ADAMTS3: variants seen among roughly 807,000 people sequenced by gnomAD.
ADAMTS3 encodes the protein A disintegrin and metalloproteinase with thrombospondin motifs 3.
A neutral mutation model predicts 129.0 loss-of-function variants in ADAMTS3; 73 were observed. The observed-to-expected ratio is 0.57, with a 90% CI of 0.47 to 0.69. The LOEUF is 0.69. Ranked by LOEUF, ADAMTS3 falls within the 30% of genes least tolerant of loss-of-function variation. The pLI, the probability that ADAMTS3 is intolerant of heterozygous loss-of-function variation, is 0.00. For missense variants in ADAMTS3, 1,457 were observed against 1,514.5 expected, an observed-to-expected ratio of 0.96 and a Z score of 0.63; for synonymous variants, 477 against 510.8, an observed-to-expected ratio of 0.93 and a Z score of 0.89.
intron 4 of ADAMTS3, among the ~76,000 whole-genome samples, chr4:72,392,678 C>G (rs559269610): frequency 8.4e-4 from 128 of 151,988 alleles, no homozygotes; most frequent in African/African-American, 2.9e-3. Flanking sequence ...TTTTCACTGA[C>G]TTCTTTGCCT....
chr4:72,317,339 C>T lies in ADAMTS3; in HGVS notation c.1485+1233G>A, dbSNP rs547968555. 4.6e-4 allele frequency among the ~76,000 whole-genome samples: 70 copies of T among 152,220 alleles called. 3 individuals carry two copies. In the South Asian group the frequency reaches 9.1e-3, roughly 20 times the overall value. ...AGTAATTAGGAGCTCACAGTGTATA[C>T]CTTATAGACAGACCAAATGGTTGTA... On this transcript the variant is annotated intron_variant, in intron 10 of 21. Transcript: ENST00000286657.
intron 3 of ADAMTS3, among the ~76,000 whole-genome samples, chr4:72,457,122 T>C: frequency 6.6e-6 from 1 of 151,728 alleles, no homozygotes; most frequent in Non-Finnish European, 1.5e-5. Context: ...ACATTTATAA[T>C]AGAAATTAAA....
At chr4:72,423,515 T>C (rs572087359) in intron 3 of ADAMTS3, among the ~76,000 whole-genome samples, 18 of 152,280 alleles carry the variant, frequency 1.2e-4, no homozygotes, top group African/African-American at 4.1e-4. Context: ...CATTGTCTAA[T>C]TCCATTTACA....
intron 4 of ADAMTS3, among the ~76,000 whole-genome samples, chr4:72,363,048 G>A (rs1209889601): frequency 6.6e-6 from 1 of 152,038 alleles, no homozygotes; most frequent in African/African-American, 2.4e-5. Flanking sequence ...GCAGCATGCT[G>A]GTGTATATAA....
chr4:72,347,493 C>G (rs1454434323), intron 4 of ADAMTS3, among the ~76,000 whole-genome samples: 12 of 151,422 alleles, frequency 7.9e-5, no homozygotes, highest in Admixed American at 7.9e-4. Context: ...GTTTTATTTC[C>G]CAATTTGTTT....
At chr4:72,563,315 T>C (rs1721948824) in intron 2 of ADAMTS3, among the ~76,000 whole-genome samples, 1 of 152,182 alleles carries the variant, frequency 6.6e-6, no homozygotes, top group Admixed American at 6.5e-5. Context: ...CCATTACCTT[T>C]AGTTACAAGA....
At chr4:72,511,385 A>C (rs2110034199) in intron 3 of ADAMTS3, among the ~76,000 whole-genome samples, 1 of 152,302 alleles carries the variant, frequency 6.6e-6, no homozygotes, top group Non-Finnish European at 1.5e-5. Flanking sequence ...TAATAACTAG[A>C]ATATATGAGG....
intron 3 of ADAMTS3, among the ~76,000 whole-genome samples, chr4:72,470,376 T>TATATATATATATAC (rs557625827): frequency 1.0e-4 from 14 of 137,964 alleles, no homozygotes; most frequent in African/African-American, 2.4e-4. Flanking sequence ...TATATATATA[T>TATATATATATATAC]ACACACACAC....
chr4:72,283,020 A>G lies in ADAMTS3; in HGVS notation c.*116T>C. ...CAGCACTTTCTGTTCTTCCAATTACAGATAAAATGAGCTGACGATCTATAG... is the reference window on the plus strand; with the variant it reads ...CAGCACTTTCTGTTCTTCCAATTACGGATAAAATGAGCTGACGATCTATAG... On this transcript the variant is annotated 3_prime_UTR_variant, in exon 22 of 22. Transcript: ENST00000286657. 1 of 875,720 alleles carries G rather than the reference A, an allele frequency of 1.1e-6. No homozygotes were observed. Among genetic ancestry groups the G allele is most frequent in the Non-Finnish European group, 1.7e-6 (1 of 572,168 alleles). 54.2% of individuals were successfully genotyped at this position (875,720 alleles called of 1,614,324 possible). A position where few individuals can be genotyped will look rare whatever the true frequency, so the allele number is the denominator to read the frequency against.
intron 6 of ADAMTS3, 56 bp downstream of exon 6, chr4:72,322,955 GTCT>G (rs1719596539): frequency 7.7e-7 from 1 of 1,306,634 alleles, no homozygotes; most frequent in Admixed American, 1.7e-5. Context: ...GAACAATTTA[GTCT>G]TCTATTTGCT....
intron 17 of ADAMTS3, among the ~76,000 whole-genome samples, chr4:72,302,032 T>C (rs192300453): frequency 0.013 from 2,024 of 151,960 alleles, 45 homozygotes; most frequent in African/African-American, 0.046. Context: ...GGCCACACCA[T>C]GGGAAGAAGG....
At chr4:72,518,295 G>T (rs571782479) in intron 3 of ADAMTS3, among the ~76,000 whole-genome samples, 1 of 152,100 alleles carries the variant, frequency 6.6e-6, no homozygotes, top group Non-Finnish European at 1.5e-5. Flanking sequence ...GTATGGTGCT[G>T]AAAAAAATGT....
At position 72,339,493 on chromosome 4, in the gene ADAMTS3, C is replaced by G. The variant is rs1720075999; in HGVS notation, c.861+1G>C. 1 of 1,613,602 alleles carries G rather than the reference C, an allele frequency of 6.2e-7. No homozygotes were observed. Among genetic ancestry groups the G allele is most frequent in the Non-Finnish European group, 8.5e-7 (1 of 1,179,724 alleles). On this transcript the variant is annotated splice_donor_variant, in intron 5 of 21. Transcript: ENST00000286657. LOFTEE classifies it high-confidence loss of function. ...AGCTTTAAAAAGGAGTCACTACTCA[C>G]AATGTTCATTAGGGTCAGGAGGTAG...
At chr4:72,401,459 T>C (rs1460623118) in intron 4 of ADAMTS3, among the ~76,000 whole-genome samples, 2 of 145,968 alleles carry the variant, frequency 1.4e-5, no homozygotes, top group African/African-American at 2.5e-5. Flanking sequence ...CCCAGCTACT[T>C]GGTAGGCTGA....
At chr4:72,411,716 A>G (rs1356107985) in intron 4 of ADAMTS3, among the ~76,000 whole-genome samples, 2 of 152,112 alleles carry the variant, frequency 1.3e-5, no homozygotes, top group Non-Finnish European at 2.9e-5. Flanking sequence ...CTCAAATTGG[A>G]CCAACTTATC....
intron 3 of ADAMTS3, among the ~76,000 whole-genome samples, chr4:72,421,877 T>A (rs145705698): frequency 6.6e-6 from 1 of 152,144 alleles, no homozygotes; most frequent in Non-Finnish European, 1.5e-5. Context: ...GTCCTATACA[T>A]ACTTAAGAAA....
chr4:72,361,456 T>C (rs1720725532), intron 4 of ADAMTS3, among the ~76,000 whole-genome samples: 1 of 152,122 alleles, frequency 6.6e-6, no homozygotes, highest in South Asian at 2.1e-4. Context: ...AAGACAGGTG[T>C]TTATTAGTGA....
chr4:72,525,229 G>C (rs1720777648), intron 3 of ADAMTS3, among the ~76,000 whole-genome samples: 1 of 152,118 alleles, frequency 6.6e-6, no homozygotes, highest in African/African-American at 2.4e-5. Flanking sequence ...AGAGCCTAAA[G>C]ACCCCACTTC....
chr4:72,516,613 T>C (rs1720488923), intron 3 of ADAMTS3, among the ~76,000 whole-genome samples: 1 of 152,164 alleles, frequency 6.6e-6, no homozygotes, highest in African/African-American at 2.4e-5. Context: ...GAATGGGAGT[T>C]CACTCATGAT....
Sources: gnomAD v4.1 joint callset for allele counts (sites outside exome capture counted in the v4.1 genomes callset) on GRCh38, gnomAD v4.1.1 for gene constraint, MANE v1.5 for transcripts, NCBI Gene and HGNC (gene_info 2026-07-23, HGNC 2026-07-21) for gene names.